Variants in FGF7 observed in about 807,000 individuals in gnomAD.
FGF7 encodes the protein FGF-7.
In FGF7, 6 loss-of-function variants were observed where a neutral mutation model predicts 20.5. The observed-to-expected ratio is 0.29, with a 90% CI of 0.16 to 0.58. The LOEUF (loss-of-function observed/expected upper bound fraction) is 0.58. FGF7 is among the 20% of genes least tolerant of loss of function. FGF7 has a pLI of 0.90. For missense variants in FGF7, 144 were observed against 228.8 expected (o/e 0.63, Z 2.39); for synonymous variants, 64 against 74.7 (o/e 0.86, Z 0.74).
In FGF7 at chr15:49,459,479, A is replaced by C. The variant is rs184236057; in HGVS notation, c.287-23672A>C. On this transcript the variant is annotated intron_variant, in intron 2 of 3. Transcript: ENST00000267843. ...CTTTTTTTTGAGATATAAGAGTGAA[A>C]AGAGATTTTTTAAATGAACCTGCAT... Among the ~76,000 whole-genome samples the C allele has an allele frequency of 4.1e-5, 6 of 144,624 alleles. No homozygotes were observed. In the East Asian group the frequency reaches 9.7e-4, roughly 23 times the overall value. 94.9% of individuals were successfully genotyped at this position (144,624 alleles called of 152,430 possible).
chr15:49,479,826 C>CA (rs1253306855), intron 2 of FGF7, among the ~76,000 whole-genome samples: 1 of 151,996 alleles, frequency 6.6e-6, no homozygotes, highest in Non-Finnish European at 1.5e-5. Context: ...ATTTGCCAGG[C>CA]TGGTCTTGAA....
At chr15:49,455,784 A>G (rs1441768336) in intron 2 of FGF7, among the ~76,000 whole-genome samples, 2 of 152,178 alleles carry the variant, frequency 1.3e-5, no homozygotes, top group Non-Finnish European at 2.9e-5. Flanking sequence ...GGTCAATAGA[A>G]GAAATTTTTC....
rs1192594276 is a variant in FGF7, at chr15:49,487,648, G to A, written c.*3144G>A. ...ATAACAAGAAAAACTCTAAAACAGT[G>A]CCCCTTACGATTTTCTACTGAAATT... On this transcript the variant is annotated 3_prime_UTR_variant, in exon 4 of 4. Coordinates refer to ENST00000267843, the MANE Select transcript of FGF7 (RefSeq NM_002009.4). The A allele has an allele frequency of 6.6e-6, 1 of 151,766 alleles. No homozygotes were observed. Among genetic ancestry groups the A allele is most frequent in the Admixed American group, 6.6e-5 (1 of 15,212 alleles). 9.4% of individuals were successfully genotyped at this position (151,766 alleles called of 1,614,324 possible).
At chr15:49,434,235 G>A (rs2413943) in intron 2 of FGF7, among the ~76,000 whole-genome samples, 1 of 151,554 alleles carries the variant, frequency 6.6e-6, no homozygotes, top group African/African-American at 2.4e-5. Flanking sequence ...CATAGTTTCC[G>A]CCTTTGTTTG....
rs187754231 is a variant in FGF7 at position 49,486,147 on chromosome 15, A to G, written c.*1643A>G. ...ACCACTGTGGTTTTAATTTCAAAAT[A>G]TTTGTCATTCAAGTCCCTTTACATA... On this transcript the variant is annotated 3_prime_UTR_variant, in exon 4 of 4. Transcript: ENST00000267843. 6.6e-6 allele frequency: 1 copy of G among 152,168 alleles called. No homozygotes were observed. The highest frequency in any genetic ancestry group is 2.4e-5 in the African/African-American group (1 of 41,572). The allele number at this position is 152,168 out of a possible 1,614,324, so 9.4% of individuals were successfully genotyped here. A position where few individuals can be genotyped will look rare whatever the true frequency, so the allele number is the denominator to read the frequency against.
At chr15:49,437,689 G>C (rs1475847431) in intron 2 of FGF7, among the ~76,000 whole-genome samples, 2 of 151,626 alleles carry the variant, frequency 1.3e-5, no homozygotes, top group African/African-American at 4.8e-5. Flanking sequence ...CCAGCAATTA[G>C]AATACTATTT....
intron 2 of FGF7, among the ~76,000 whole-genome samples, chr15:49,454,295 CTT>C (rs1174528608): frequency 1.3e-5 from 2 of 152,142 alleles, no homozygotes; most frequent in African/African-American, 4.8e-5. Flanking sequence ...TTAGGTCTCT[CTT>C]GTGCATTTTC....
chr15:49,466,184 T>C (rs1019747536), intron 2 of FGF7, among the ~76,000 whole-genome samples: 1 of 152,190 alleles, frequency 6.6e-6, no homozygotes, highest in African/African-American at 2.4e-5. Flanking sequence ...AAAATACTAA[T>C]TATCAAGCTT....
At chr15:49,445,658 T>C (rs192899134) in intron 2 of FGF7, among the ~76,000 whole-genome samples, 77 of 151,722 alleles carry the variant, frequency 5.1e-4, no homozygotes, top group African/African-American at 1.8e-3. Context: ...ACAATTATTA[T>C]GTCAATTGAA....
At chr15:49,465,176 C>T (rs1483447514) in intron 2 of FGF7, among the ~76,000 whole-genome samples, 1 of 152,094 alleles carries the variant, frequency 6.6e-6, no homozygotes, top group Non-Finnish European at 1.5e-5. Flanking sequence ...GTTGCTCAGG[C>T]TAGAGTGCAG....
intron 2 of FGF7, among the ~76,000 whole-genome samples, chr15:49,438,118 T>C (rs545502438): frequency 1.3e-5 from 2 of 151,516 alleles, no homozygotes; most frequent in African/African-American, 4.8e-5. Flanking sequence ...AAGTTCAAGA[T>C]AGGAAGTAGG....
At chr15:49,442,601 A>T (rs2051772288) in intron 2 of FGF7, among the ~76,000 whole-genome samples, 1 of 151,610 alleles carries the variant, frequency 6.6e-6, no homozygotes, top group Non-Finnish European at 1.5e-5. Flanking sequence ...CCATCTCAGC[A>T]TTAGAATAGT....
At position 49,424,555 on chromosome 15, in the gene FGF7, A is replaced by T; in HGVS notation, c.258A>T (p.Lys86Asn). Residue 86 changes from lysine to asparagine, a missense_variant, in exon 2 of 4, where the codon AAA (lysine) becomes AAT (asparagine). By Grantham distance (94) the Lys-to-Asn change is moderately conservative (BLOSUM62 0). This residue lies in a region of FGF7 where 88 missense variants were observed against 103.4 expected (regional missense o/e 0.85). Transcript: ENST00000267843. Reference sequence around the variant, plus strand: ...GGATCGATAAAAGAGGCAAAGTAAAAGGGACCCAAGAGATGAAGAATAATT... The same window carrying T: ...GGATCGATAAAAGAGGCAAAGTAAATGGGACCCAAGAGATGAAGAATAATT... ...YLRIDKRGKV[K>N]GTQEMKNNYN... The T allele has an allele frequency of 6.3e-7, 1 of 1,594,640 alleles. No homozygotes were observed. The highest frequency in any genetic ancestry group is 8.6e-7 in the Non-Finnish European group (1 of 1,168,872).
At chr15:49,451,193 T>C (rs1352731812) in intron 2 of FGF7, among the ~76,000 whole-genome samples, 8 of 152,092 alleles carry the variant, frequency 5.3e-5, no homozygotes, top group African/African-American at 2.4e-5. Flanking sequence ...ATAAAATAAA[T>C]AATACGGTCA....
At chr15:49,448,014 G>A (rs1406335566) in intron 2 of FGF7, among the ~76,000 whole-genome samples, 1 of 151,638 alleles carries the variant, frequency 6.6e-6, no homozygotes, top group Non-Finnish European at 1.5e-5. Context: ...TGATTTGAGA[G>A]TTTGAAATTA....
chr15:49,468,369 T>C (rs2054450124), intron 2 of FGF7, among the ~76,000 whole-genome samples: 2 of 152,194 alleles, frequency 1.3e-5, no homozygotes, highest in Admixed American at 1.3e-4. Context: ...GAATTATACT[T>C]TCTGGGTTTC....
chr15:49,439,792 C>T (rs1050118068), intron 2 of FGF7, among the ~76,000 whole-genome samples: 3 of 151,628 alleles, frequency 2.0e-5, no homozygotes, highest in Non-Finnish European at 4.4e-5. Context: ...GAGAAAGAAA[C>T]TGGATGATTT....
intron 2 of FGF7, among the ~76,000 whole-genome samples, chr15:49,465,223 A>T (rs1288417567): frequency 6.6e-6 from 1 of 151,780 alleles, no homozygotes; most frequent in East Asian, 1.9e-4. Flanking sequence ...TCTGCCTCCT[A>T]GGTTAAAGCG....
At chr15:49,471,736 T>A (rs999991672) in intron 2 of FGF7, among the ~76,000 whole-genome samples, 1 of 152,126 alleles carries the variant, frequency 6.6e-6, no homozygotes, top group Non-Finnish European at 1.5e-5. Context: ...AAAAGCTAGC[T>A]GACATTAGGT....
Sources: allele counts gnomAD v4.1 joint callset (sites outside exome capture counted in the v4.1 genomes callset), GRCh38; gene constraint gnomAD v4.1.1; regional missense constraint gnomAD v4.1.1; transcripts MANE v1.5; gene names NCBI Gene and HGNC (gene_info 2026-07-23, HGNC 2026-07-21).